The following SP100 variants were observed in gnomAD, a reference collection of about 807,000 sequenced individuals.
SP100 encodes the protein nuclear autoantigen Sp-100.
SP100 carries 84 observed loss-of-function variants against 130.0 expected under a neutral mutation model. That is an observed-to-expected ratio of 0.65 (90% CI 0.54 to 0.77). The LOEUF is 0.77. Among genes scored for constraint, SP100 ranks in the 30% least tolerant of loss-of-function variants. SP100 has a pLI of 0.00. For synonymous variants in SP100, 331 were observed against 351.7 expected, an observed-to-expected ratio of 0.94 and a Z score of 0.66; for missense variants, 978 against 1,052.2, an observed-to-expected ratio of 0.93 and a Z score of 0.97.
chr2:230,498,366 G>A (rs1257284662), intron 18 of SP100, 95 bp from the exon 19 acceptor site: 2 of 616,494 alleles, frequency 3.2e-6, no homozygotes, highest in Non-Finnish European at 5.3e-6. Flanking sequence ...GTTAGGCTCT[G>A]GAAAAGTTAT....
chr2:230,533,986 A>C (rs1023435601), intron 24 of SP100, among the ~76,000 whole-genome samples: 2 of 152,238 alleles, frequency 1.3e-5, no homozygotes, highest in Admixed American at 1.3e-4. Context: ...ATGAGAGCTA[A>C]TGAAATATTT....
At chr2:230,490,144 G>A (rs1251282109) in intron 17 of SP100, among the ~76,000 whole-genome samples, 2 of 151,212 alleles carry the variant, frequency 1.3e-5, no homozygotes, top group African/African-American at 4.8e-5. Flanking sequence ...TTATGTGGGA[G>A]TCTAAGGACT....
intron 18 of SP100, among the ~76,000 whole-genome samples, chr2:230,495,450 G>T (rs557145469): frequency 4.9e-4 from 74 of 152,274 alleles, no homozygotes; most frequent in African/African-American, 1.8e-3. Flanking sequence ...CTCCCGAGTA[G>T]CTGGGATTAC....
chr2:230,486,600 T>C (rs961676669), intron 17 of SP100, among the ~76,000 whole-genome samples: 3 of 152,210 alleles, frequency 2.0e-5, no homozygotes, highest in Non-Finnish European at 4.4e-5. Context: ...TTTGGATCCA[T>C]GACTATGCTA....
chr2:230,432,376 C>T (rs1468879953), intron 2 of SP100, among the ~76,000 whole-genome samples: 1 of 152,070 alleles, frequency 6.6e-6, no homozygotes, highest in Non-Finnish European at 1.5e-5. Flanking sequence ...TGTGGATATA[C>T]ATGTTCGTTT....
chr2:230,520,104 T>C (rs1056012551), intron 24 of SP100, among the ~76,000 whole-genome samples: 1 of 152,218 alleles, frequency 6.6e-6, no homozygotes, highest in African/African-American at 2.4e-5. Flanking sequence ...ATGTCTCTGA[T>C]TCCAGAGTCA....
intron 24 of SP100, among the ~76,000 whole-genome samples, chr2:230,516,771 T>G (rs76414439): frequency 0.012 from 1,779 of 152,276 alleles, 33 homozygotes; most frequent in African/African-American, 0.04. Flanking sequence ...GTCAAAAACT[T>G]AGAATAGCCA....
intron 2 of SP100, among the ~76,000 whole-genome samples, chr2:230,429,827 C>T (rs1004750539): frequency 2.6e-5 from 4 of 151,542 alleles, no homozygotes; most frequent in Non-Finnish European, 4.4e-5. Context: ...GTTCCTGTTC[C>T]TTTTTGGCAT....
chr2:230,498,826 A>G (rs191048076), intron 19 of SP100, among the ~76,000 whole-genome samples: 1 of 152,340 alleles, frequency 6.6e-6, no homozygotes, highest in East Asian at 1.9e-4. Context: ...AAAAACAAAA[A>G]CAAAACAAAC....
intron 24 of SP100, among the ~76,000 whole-genome samples, chr2:230,523,462 T>A (rs1691270269): frequency 2.0e-5 from 3 of 152,172 alleles, no homozygotes; most frequent in Admixed American, 1.3e-4. Flanking sequence ...AGTTTAGACG[T>A]TTGAGACCAG....
chr2:230,468,817 CAAAAAAAAA>C (rs10617635), intron 13 of SP100: 5 of 149,766 alleles, frequency 3.3e-5, no homozygotes, highest in Non-Finnish European at 5.7e-5. Flanking sequence ...GACCCTGTCT[CAAAAAAAAA>C]AAAAAAAAAA....
intron 18 of SP100, among the ~76,000 whole-genome samples, chr2:230,495,076 C>G (rs2066591941): frequency 2.0e-5 from 3 of 152,324 alleles, no homozygotes; most frequent in African/African-American, 7.2e-5. Flanking sequence ...CTTTTTGTCA[C>G]CTGAGACTCT....
At chr2:230,496,581 C>T (rs1407086918) in intron 18 of SP100, among the ~76,000 whole-genome samples, 3 of 152,138 alleles carry the variant, frequency 2.0e-5, no homozygotes, top group Non-Finnish European at 1.5e-5. Context: ...ATAGCAAAAA[C>T]TGCAATTACT....
intron 15 of SP100, 24 bp from the exon 16 acceptor site, chr2:230,473,300 A>C (rs890341342): frequency 6.4e-7 from 1 of 1,554,774 alleles, no homozygotes; most frequent in African/African-American, 1.4e-5. Context: ...GCACAAATAA[A>C]AATGTTTACA....
chr2:230,526,110 G>A (rs1389600616), intron 24 of SP100, among the ~76,000 whole-genome samples: 1 of 152,180 alleles, frequency 6.6e-6, no homozygotes. Flanking sequence ...CCTCAAGCGG[G>A]TCCCTGACCC....
chr2:230,416,241 G>T lies in SP100; in HGVS notation c.-56G>T, dbSNP rs142259495. 2.0e-6 allele frequency: 3 copies of T among 1,517,600 alleles called. No homozygotes were observed. Among genetic ancestry groups the T allele is most frequent in the Non-Finnish European group, 1.8e-6 (2 of 1,097,826 alleles). The allele number at this position is 1,517,600 out of a possible 1,614,324, so 94.0% of individuals were successfully genotyped here. On this transcript the variant is annotated 5_prime_UTR_variant, in exon 1 of 29. Transcript: ENST00000340126. Reference sequence around the variant, plus strand: ...AGCCACACTGCACGCAGGCTGGGCCGACTGAGGGGCTCAGAGGCCAGGCTC... The same window carrying T: ...AGCCACACTGCACGCAGGCTGGGCCTACTGAGGGGCTCAGAGGCCAGGCTC...
intron 25 of SP100, 90 bp downstream of exon 25, chr2:230,539,472 C>A: frequency 1.2e-6 from 1 of 838,486 alleles, no homozygotes. Flanking sequence ...AGTTTCTGTA[C>A]CTGGTTATGT....
At chr2:230,451,173 G>A (rs776681492) in intron 8 of SP100, among the ~76,000 whole-genome samples, 1 of 152,204 alleles carries the variant, frequency 6.6e-6, no homozygotes, top group Non-Finnish European at 1.5e-5. Context: ...TTCATGGATT[G>A]TATGGGTAGT....
At chr2:230,502,185 G>A (rs2067075896) in intron 19 of SP100, among the ~76,000 whole-genome samples, 1 of 152,066 alleles carries the variant, frequency 6.6e-6, no homozygotes. Context: ...GCCCAGCCCT[G>A]AGATATCTTT....
Sources: allele counts gnomAD v4.1 joint callset (sites outside exome capture counted in the v4.1 genomes callset), GRCh38; gene constraint gnomAD v4.1.1; transcripts MANE v1.5; gene names NCBI Gene and HGNC (gene_info 2026-07-23, HGNC 2026-07-21).